Variants in ABCG2 observed in about 807,000 individuals in gnomAD.
The protein encoded by ABCG2 is ATP binding cassette subfamily G member 2 (JR blood group).
In ABCG2, 80 loss-of-function variants were observed where a neutral mutation model predicts 73.5. That is an observed-to-expected ratio of 1.09 (90% confidence interval 0.91 to 1.31). The LOEUF (loss-of-function observed/expected upper bound fraction) is 1.31, where lower values mean the gene tolerates loss of function less well. Ranked by LOEUF, ABCG2 falls within the 50% of genes most tolerant of loss-of-function variation. The pLI is 0.00. For synonymous variants in ABCG2, 269 were observed against 282.4 expected (o/e 0.95, Z 0.48); for missense variants, 796 against 786.2 (o/e 1.01, Z -0.15).
chr4:88,189,350 C>CA (rs1442510552), intron 1 of ABCG2, among the ~76,000 whole-genome samples: 1 of 151,786 alleles, frequency 6.6e-6, no homozygotes, highest in Non-Finnish European at 1.5e-5. Context: ...ACCTTCTCCA[C>CA]AAAAAATTAA....
intron 6 of ABCG2, 41 bp downstream of exon 6, chr4:88,121,594 A>G: frequency 6.3e-7 from 1 of 1,585,004 alleles, no homozygotes; most frequent in South Asian, 1.1e-5. Context: ...CATAGTAGTG[A>G]TAAGATATTA....
At chr4:88,183,056 G>A (rs890942089) in intron 1 of ABCG2, among the ~76,000 whole-genome samples, 2 of 124,400 alleles carry the variant, frequency 1.6e-5, no homozygotes, top group Non-Finnish European at 3.1e-5. Flanking sequence ...CTGCACTCCA[G>A]CCTGGGCGAC....
intron 1 of ABCG2, among the ~76,000 whole-genome samples, chr4:88,155,155 G>C (rs1298641174): frequency 2.0e-5 from 3 of 152,106 alleles, no homozygotes; most frequent in Non-Finnish European, 4.4e-5. Flanking sequence ...GGGTCAGCTA[G>C]GTTTCCTTTT....
intron 1 of ABCG2, among the ~76,000 whole-genome samples, chr4:88,180,392 C>T (rs147655490): frequency 3.8e-4 from 58 of 152,238 alleles, no homozygotes; most frequent in African/African-American, 1.3e-3. Flanking sequence ...ATTTTATCAA[C>T]ACCAGGCCTA....
intron 1 of ABCG2, among the ~76,000 whole-genome samples, chr4:88,164,437 G>A (rs1029258460): frequency 3.9e-5 from 6 of 152,112 alleles, no homozygotes; most frequent in African/African-American, 1.4e-4. Context: ...CGAATCACAG[G>A]GGTAATTATT....
At chr4:88,225,111 T>A (rs767894245) in intron 1 of ABCG2, among the ~76,000 whole-genome samples, 3 of 152,156 alleles carry the variant, frequency 2.0e-5, no homozygotes, top group Non-Finnish European at 4.4e-5. Flanking sequence ...GAGTTTTAAA[T>A]CAGAGGTCAC....
At chr4:88,165,346 A>C (rs1043948964) in intron 1 of ABCG2, among the ~76,000 whole-genome samples, 11 of 152,242 alleles carry the variant, frequency 7.2e-5, no homozygotes, top group African/African-American at 2.7e-4. Flanking sequence ...TAAAATCAAA[A>C]TGTCAGCAGG....
chr4:88,158,681 C>T (rs1393314978), upstream of ABCG2: 1 of 456,142 alleles, frequency 2.2e-6, no homozygotes, highest in African/African-American at 2.0e-5. Context: ...TGAGTGGGCA[C>T]AGCACGCAGC....
At chr4:88,142,452 T>C (rs370372450) in intron 1 of ABCG2, among the ~76,000 whole-genome samples, 2 of 152,286 alleles carry the variant, frequency 1.3e-5, no homozygotes, top group East Asian at 1.9e-4. Context: ...ATTTGGAGTC[T>C]GGAAAAGTAG....
intron 9 of ABCG2, among the ~76,000 whole-genome samples, chr4:88,107,841 C>T (rs1423237678): frequency 6.6e-6 from 1 of 152,170 alleles, no homozygotes; most frequent in Non-Finnish European, 1.5e-5. Flanking sequence ...GAGATGGAGC[C>T]TGCCTATCCA....
chr4:88,151,296 A>C (rs547979372), intron 1 of ABCG2, among the ~76,000 whole-genome samples: 12 of 152,306 alleles, frequency 7.9e-5, no homozygotes, highest in Middle Eastern at 3.4e-3. Flanking sequence ...AATCAAGTTG[A>C]GTGTGAGTTA....
chr4:88,192,194 A>G (rs941647173), intron 1 of ABCG2, among the ~76,000 whole-genome samples: 4 of 152,022 alleles, frequency 2.6e-5, no homozygotes, highest in South Asian at 2.1e-4. Flanking sequence ...AAAAAAAAAA[A>G]AAAGAAAGAA....
At chr4:88,096,672 T>A (rs1288004668) in intron 13 of ABCG2, among the ~76,000 whole-genome samples, 1 of 151,792 alleles carries the variant, frequency 6.6e-6, no homozygotes, top group Non-Finnish European at 1.5e-5. Flanking sequence ...GGGAAAAAAA[T>A]GTAACTGGTT....
At chr4:88,209,482 G>T (rs1729508243) in intron 1 of ABCG2, among the ~76,000 whole-genome samples, 1 of 151,930 alleles carries the variant, frequency 6.6e-6, no homozygotes. Context: ...TGGCCAACAT[G>T]GTGAAATCCC....
Position 88,121,647 on chromosome 4 carries a change from A to G in ABCG2, c.677T>C (p.Leu226Ser). 1 of 1,613,766 alleles carries G rather than the reference A, an allele frequency of 6.2e-7. No homozygotes were observed. The highest frequency in any genetic ancestry group is 8.5e-7 in the Non-Finnish European group (1 of 1,179,902). Residue 226 changes from leucine to serine, a missense_variant, in exon 6 of 16, where the codon TTG (leucine) becomes TCG (serine). Coordinates refer to ENST00000237612, the MANE Select transcript of ABCG2 (RefSeq NM_004827.3). ...LDSSTANAVL[L>S]LLKRMSKQGR... ...CCAGAGCATTTACCTTTTCAGGAGC[A>G]AAAGGACAGCATTTGCTGTGCTTGA...
intron 1 of ABCG2, among the ~76,000 whole-genome samples, chr4:88,199,240 A>G (rs1475724740): frequency 2.6e-5 from 4 of 152,142 alleles, no homozygotes; most frequent in African/African-American, 9.7e-5. Context: ...AAGTGCTGGA[A>G]TTACAGGCGT....
intron 4 of ABCG2, 68 bp downstream of exon 4, chr4:88,131,735 C>G: frequency 8.9e-7 from 1 of 1,127,748 alleles, no homozygotes; most frequent in Non-Finnish European, 1.3e-6. Flanking sequence ...GCACATTGAA[C>G]TATCAGCCAA....
intron 1 of ABCG2, among the ~76,000 whole-genome samples, chr4:88,213,143 A>G (rs1301315626): frequency 6.6e-6 from 1 of 152,114 alleles, no homozygotes; most frequent in African/African-American, 2.4e-5. Flanking sequence ...CGCTCAAGCA[A>G]TCTTCCCACT....
At chr4:88,127,065 C>G (rs1724470916) in intron 5 of ABCG2, among the ~76,000 whole-genome samples, 1 of 152,142 alleles carries the variant, frequency 6.6e-6, no homozygotes, top group Non-Finnish European at 1.5e-5. Flanking sequence ...GGCTGATAAG[C>G]AACTTCAGCA....
Sources: gnomAD v4.1 joint callset for allele counts (sites outside exome capture counted in the v4.1 genomes callset) on GRCh38, gnomAD v4.1.1 for gene constraint, MANE v1.5 for transcripts, NCBI Gene and HGNC (gene_info 2026-07-23, HGNC 2026-07-21) for gene names.